MTM1: variants seen among roughly 807,000 people sequenced by gnomAD.
MTM1 encodes the protein myotubularin.
A neutral mutation model predicts 52.1 loss-of-function variants in MTM1; 9 were observed. The ratio of observed to expected loss-of-function variants is 0.17; its 90% CI spans 0.10 to 0.30. MTM1 has a LOEUF of 0.30. Among genes scored for constraint, MTM1 ranks in the 10% least tolerant of loss-of-function variants. The probability of loss-of-function intolerance (pLI) is 1.00; values close to 1 mark genes in which losing one functional copy is unlikely to be tolerated. For missense variants in MTM1, 277 were observed against 470.7 expected, an observed-to-expected ratio of 0.59 and a Z score of 3.81; for synonymous variants, 136 against 163.8, an observed-to-expected ratio of 0.83 and a Z score of 1.29.
rs782114544 is a variant in MTM1 at position 150,614,578 on chromosome X, G to T, written c.232-11G>T. 3.9e-6 allele frequency: 4 copies of T among 1,029,197 alleles called. No individual in the cohort carries two copies. Among genetic ancestry groups the T allele is most frequent in the Non-Finnish European group, 5.5e-6 (4 of 731,539 alleles). The allele number at this position is 1,029,197 out of a possible 1,213,427, so 84.8% of individuals were successfully genotyped here. A position where few individuals can be genotyped will look rare whatever the true frequency, so the allele number is the denominator to read the frequency against. ...CAGAAATACTGACTACTGTATTTTT[G>T]TCCATTACAGGATTCTTCTCTAATA... On this transcript the variant is annotated splice_polypyrimidine_tract_variant and intron_variant, in intron 4 of 14. Coordinates refer to ENST00000370396, the MANE Select transcript of MTM1 (RefSeq NM_000252.3).
chrX:150,662,901 G>A (rs782584078), intron 13 of MTM1, among the ~76,000 whole-genome samples: 4 of 111,139 alleles, frequency 3.6e-5, no homozygotes, highest in Non-Finnish European at 3.8e-5. Context: ...CTTAGACTTC[G>A]TGTAGTCAGT....
At chrX:150,595,678 T>C (rs1818330141) in intron 2 of MTM1, among the ~76,000 whole-genome samples, 1 of 112,491 alleles carries the variant, frequency 8.9e-6, no homozygotes, top group Admixed American at 9.4e-5. Context: ...CACATCTTCG[T>C]ATTAATCCAC....
At chrX:150,585,090 A>T (rs113665135) in intron 1 of MTM1, among the ~76,000 whole-genome samples, 3 of 108,051 alleles carry the variant, frequency 2.8e-5, no homozygotes, top group Admixed American at 1.0e-4. Flanking sequence ...AGAGAGAAAG[A>T]GTGTGTGTGT....
chrX:150,650,558 C>T (rs960691260), intron 10 of MTM1, among the ~76,000 whole-genome samples: 9 of 111,168 alleles, frequency 8.1e-5, no homozygotes, highest in Non-Finnish European at 1.5e-4. Context: ...TCTCAGCTAG[C>T]GAGGCTCACC....
chrX:150,564,671 G>A (rs979433589), upstream of MTM1, among the ~76,000 whole-genome samples: 7 of 112,035 alleles, frequency 6.2e-5, no homozygotes, highest in African/African-American at 2.3e-4. Flanking sequence ...GTGAACCACC[G>A]CGCCCAGCTT....
At chrX:150,574,337 C>T (rs1186009712) in intron 1 of MTM1, among the ~76,000 whole-genome samples, 1 of 111,250 alleles carries the variant, frequency 9.0e-6, no homozygotes, top group Non-Finnish European at 1.9e-5. Context: ...GGCAGAATTT[C>T]AAGCCCCATC....
chrX:150,588,389 C>T (rs184296211), intron 1 of MTM1, among the ~76,000 whole-genome samples: 1 of 111,928 alleles, frequency 8.9e-6, no homozygotes, highest in East Asian at 2.8e-4. Context: ...TAGAGCTCTC[C>T]GTGGTGTTTA....
At chrX:150,594,568 G>C (rs2038944766) in intron 2 of MTM1, among the ~76,000 whole-genome samples, 1 of 111,584 alleles carries the variant, frequency 9.0e-6, no homozygotes, top group Admixed American at 9.5e-5. Flanking sequence ...TTTCTGTTTT[G>C]GGTGCCTACA....
intron 4 of MTM1, among the ~76,000 whole-genome samples, chrX:150,601,261 T>C (rs1557412737): frequency 1.8e-5 from 2 of 111,623 alleles, no homozygotes; most frequent in South Asian, 3.7e-4. Flanking sequence ...TTTTGAGCAA[T>C]TGGCCACAAC....
intron 10 of MTM1, among the ~76,000 whole-genome samples, chrX:150,651,460 T>A (rs1174576349): frequency 9.3e-6 from 1 of 107,402 alleles, no homozygotes; most frequent in African/African-American, 3.4e-5. Context: ...GGTATCACAT[T>A]ATATTTAGTT....
At chrX:150,608,822 TGA>T (rs1557412899) in intron 4 of MTM1, among the ~76,000 whole-genome samples, 17 of 109,989 alleles carry the variant, frequency 1.5e-4, no homozygotes, top group South Asian at 4.0e-4. Flanking sequence ...ATGATGATGA[TGA>T]TGATGATTAT....
chrX:150,565,993 T>TACACAC (rs782745793), upstream of MTM1, among the ~76,000 whole-genome samples: 6,371 of 88,340 alleles, frequency 0.072, 262 homozygotes, highest in South Asian at 0.17. Context: ...TGAAGATTCC[T>TACACAC]ACACACACAC....
At chrX:150,620,155 G>T (rs1205219726) in intron 6 of MTM1, among the ~76,000 whole-genome samples, 3 of 112,069 alleles carry the variant, frequency 2.7e-5, no homozygotes, top group Non-Finnish European at 5.6e-5. Flanking sequence ...TCTAATTGAT[G>T]AAAGTTCAAT....
chrX:150,658,239 A>G (rs1557414533), intron 11 of MTM1, among the ~76,000 whole-genome samples: 2 of 112,332 alleles, frequency 1.8e-5, no homozygotes, highest in Non-Finnish European at 3.8e-5. Flanking sequence ...ACTTGAAAGC[A>G]ATACAAAGAA....
At chrX:150,662,353 C>T (rs1458464034) in intron 13 of MTM1, among the ~76,000 whole-genome samples, 5 of 111,659 alleles carry the variant, frequency 4.5e-5, no homozygotes, top group Admixed American at 9.5e-5. Flanking sequence ...GATGGAGTTT[C>T]GCTCTTGTCA....
upstream of MTM1, among the ~76,000 whole-genome samples, chrX:150,565,485 C>T (rs905990923): frequency 1.2e-4 from 13 of 112,251 alleles, no homozygotes; most frequent in Admixed American, 1.2e-3. Flanking sequence ...CCTTCCCCTG[C>T]CTCAGGCCCA....
intron 6 of MTM1, among the ~76,000 whole-genome samples, chrX:150,633,166 C>T (rs1467433102): frequency 2.7e-5 from 3 of 112,137 alleles, no homozygotes; most frequent in Non-Finnish European, 3.8e-5. Flanking sequence ...TTCAAATGTA[C>T]ATTTGTGGTC....
chrX:150,671,417 G>C lies in MTM1; in HGVS notation c.1645-11G>C. The C allele has an allele frequency of 1.7e-6, 2 of 1,211,287 alleles. No individual in the cohort carries two copies. The highest frequency in any genetic ancestry group is 2.2e-6 in the Non-Finnish European group (2 of 895,332). On this transcript the variant is annotated splice_polypyrimidine_tract_variant and intron_variant, in intron 14 of 14. Transcript: ENST00000370396. ...GCATAAAGTGTAACTCAAGTCTCTG[G>C]TTCTCTCCAGCAGCCGAATCCAGTG...
chrX:150,652,211 T>A (rs1196460239), intron 10 of MTM1, among the ~76,000 whole-genome samples: 1 of 109,985 alleles, frequency 9.1e-6, no homozygotes, highest in Non-Finnish European at 1.9e-5. Flanking sequence ...TATACTAGAA[T>A]GCTTATGATA....
Sources: gnomAD v4.1 joint callset for allele counts (sites outside exome capture counted in the v4.1 genomes callset) on GRCh38, gnomAD v4.1.1 for gene constraint, MANE v1.5 for transcripts, NCBI Gene and HGNC (gene_info 2026-07-23, HGNC 2026-07-21) for gene names.